RASGRF2: variants seen among roughly 807,000 people sequenced by gnomAD.
RASGRF2 encodes the protein ras-specific guanine nucleotide-releasing factor 2.
Under a neutral mutation model 151.0 loss-of-function variants are expected in RASGRF2, and 76 were observed. The ratio of observed to expected loss-of-function variants is 0.50; its 90% CI spans 0.42 to 0.61. The LOEUF is 0.61. RASGRF2 is among the 20% of genes least tolerant of loss of function. The probability of loss-of-function intolerance (pLI) is 0.00; values close to 1 mark genes in which losing one functional copy is unlikely to be tolerated. For synonymous variants in RASGRF2, 504 were observed against 566.5 expected, an observed-to-expected ratio of 0.89 and a Z score of 1.57; for missense variants, 1,148 against 1,564.6, an observed-to-expected ratio of 0.73 and a Z score of 4.49.
At chr5:81,214,244 AG>A (rs1467275280) in intron 23 of RASGRF2, among the ~76,000 whole-genome samples, 1 of 152,246 alleles carries the variant, frequency 6.6e-6, no homozygotes, top group African/African-American at 2.4e-5. Flanking sequence ...CCATCTGTAG[AG>A]GCTCTAAATA....
At chr5:81,011,033 G>A (rs1036133994) in intron 1 of RASGRF2, among the ~76,000 whole-genome samples, 13 of 138,604 alleles carry the variant, frequency 9.4e-5, no homozygotes, top group South Asian at 2.4e-4. Flanking sequence ...ACTGCACATA[G>A]GACTGTTGAC....
chr5:81,180,049 G>T (rs1018198257), intron 17 of RASGRF2, 126 bp from the exon 18 acceptor site: 4 of 621,798 alleles, frequency 6.4e-6, no homozygotes, highest in African/African-American at 3.6e-5. Flanking sequence ...GAAGCCACGC[G>T]CACCTCTCTG....
At chr5:81,021,794 G>A (rs1290846449) in intron 1 of RASGRF2, among the ~76,000 whole-genome samples, 2 of 152,170 alleles carry the variant, frequency 1.3e-5, no homozygotes, top group South Asian at 2.1e-4. Flanking sequence ...AATAATCATA[G>A]GGTGGCCAAT....
rs746393801 is a variant in RASGRF2, at chr5:81,206,926, A to G, written c.2967+21A>G. Reference sequence around the variant, plus strand: ...AAATGGTAAGTCTGACCACATTTTTATCTAGCACAACTATGTGCAAACTAC... The same window carrying G: ...AAATGGTAAGTCTGACCACATTTTTGTCTAGCACAACTATGTGCAAACTAC... On this transcript the variant is annotated intron_variant, in intron 20 of 26. Transcript: ENST00000265080. 3.2e-6 allele frequency: 5 copies of G among 1,558,622 alleles called. No homozygotes were observed. The South Asian group carries it at 3.3e-5, about 10-fold the overall frequency.
chr5:81,201,226 T>G, intron 18 of RASGRF2, 104 bp from the exon 19 acceptor site: 1 of 1,469,818 alleles, frequency 6.8e-7, no homozygotes, highest in Non-Finnish European at 9.0e-7. Context: ...CATTTTAATT[T>G]CCATACCTAG....
intron 17 of RASGRF2, among the ~76,000 whole-genome samples, chr5:81,158,134 A>T (rs1226340231): frequency 6.6e-6 from 1 of 152,228 alleles, no homozygotes; most frequent in Non-Finnish European, 1.5e-5. Context: ...TTACTATAAG[A>T]CTACAGTTAG....
At position 81,181,694 on chromosome 5, in the gene RASGRF2, G is replaced by A. The variant is rs111576378; in HGVS notation, c.2793+1413G>A. Among the ~76,000 whole-genome samples, 888 of 152,190 alleles carry A rather than the reference G, an allele frequency of 5.8e-3. 8 individuals carry two copies. The highest frequency in any genetic ancestry group is 0.01 in the Non-Finnish European group (689 of 68,014). Reference sequence around the variant, plus strand: ...ACAGTTAATTCCTGGGGCCCACAGTGGCTTCTAAGATGCAAAGTAGCTTTG... The same window carrying A: ...ACAGTTAATTCCTGGGGCCCACAGTAGCTTCTAAGATGCAAAGTAGCTTTG... On this transcript the variant is annotated intron_variant, in intron 18 of 26. Coordinates refer to ENST00000265080, the MANE Select transcript of RASGRF2 (RefSeq NM_006909.3).
intron 16 of RASGRF2, among the ~76,000 whole-genome samples, chr5:81,125,887 C>A (rs1753440499): frequency 6.6e-6 from 1 of 152,224 alleles, no homozygotes; most frequent in Non-Finnish European, 1.5e-5. Flanking sequence ...AGGAACTGAA[C>A]AAGGACAGCA....
rs1753020607 is a variant in RASGRF2, at chr5:81,112,379, C to CT, written c.1839-230dup. On this transcript the variant is annotated intron_variant, in intron 13 of 26. Transcript: ENST00000265080. Reference sequence around the variant, plus strand: ...GATGTGCATAGGTTATGTGGAAATACTATACCATTTCATATCAGGGACTTG... The same window carrying CT: ...GATGTGCATAGGTTATGTGGAAATACTTATACCATTTCATATCAGGGACTTG... 3.3e-5 allele frequency among the ~76,000 whole-genome samples: 5 copies of CT among 152,224 alleles called. No individual in the cohort carries two copies. In the South Asian group the frequency reaches 1.0e-3, roughly 32 times the overall value.
chr5:81,091,190 C>A (rs935035749), intron 9 of RASGRF2, among the ~76,000 whole-genome samples: 1 of 152,202 alleles, frequency 6.6e-6, no homozygotes, highest in African/African-American at 2.4e-5. Flanking sequence ...CTCTGCAAGG[C>A]CTCTGGCTTT....
chr5:81,195,655 G>A (rs977272557), intron 18 of RASGRF2, among the ~76,000 whole-genome samples: 1 of 151,334 alleles, frequency 6.6e-6, no homozygotes, highest in African/African-American at 2.4e-5. Context: ...AGCAGCATCA[G>A]CATCACCCGG....
At chr5:81,213,215 G>C (rs1055417903) in intron 23 of RASGRF2, among the ~76,000 whole-genome samples, 64 of 152,262 alleles carry the variant, frequency 4.2e-4, no homozygotes, top group African/African-American at 1.5e-3. Flanking sequence ...GTCATTCTTT[G>C]CTGATGATTC....
At chr5:81,191,860 G>T (rs1755158920) in intron 18 of RASGRF2, among the ~76,000 whole-genome samples, 1 of 152,034 alleles carries the variant, frequency 6.6e-6, no homozygotes, top group South Asian at 2.1e-4. Context: ...AGAGTCATTT[G>T]TCAGCAAATG....
intron 18 of RASGRF2, among the ~76,000 whole-genome samples, chr5:81,199,952 T>A (rs1755350904): frequency 6.7e-6 from 1 of 148,192 alleles, no homozygotes; most frequent in Non-Finnish European, 1.5e-5. Context: ...TTTCTTTGCA[T>A]CTACTATTTG....
chr5:81,076,424 C>T (rs1289329616), intron 5 of RASGRF2, among the ~76,000 whole-genome samples: 1 of 152,230 alleles, frequency 6.6e-6, no homozygotes, highest in African/African-American at 2.4e-5. Flanking sequence ...ATGGACACTT[C>T]TGTAGTTAGG....
intron 18 of RASGRF2, among the ~76,000 whole-genome samples, chr5:81,199,468 T>C (rs1755338738): frequency 6.6e-6 from 1 of 152,222 alleles, no homozygotes; most frequent in African/African-American, 2.4e-5. Flanking sequence ...ATTCTCCCTT[T>C]GTAATTAATA....
chr5:80,999,861 G>T (rs919368963), intron 1 of RASGRF2, among the ~76,000 whole-genome samples: 13 of 152,156 alleles, frequency 8.5e-5, no homozygotes, highest in Non-Finnish European at 1.8e-4. Flanking sequence ...GAGAGGAGTT[G>T]GTTTCATAAC....
chr5:81,149,375 G>A (rs918063221), intron 17 of RASGRF2, among the ~76,000 whole-genome samples: 2 of 152,114 alleles, frequency 1.3e-5, no homozygotes, highest in African/African-American at 4.8e-5. Flanking sequence ...GGTAACTCAG[G>A]AATGGAGAAC....
chr5:81,021,206 T>C (rs1282367550), intron 1 of RASGRF2, among the ~76,000 whole-genome samples: 1 of 152,202 alleles, frequency 6.6e-6, no homozygotes, highest in Non-Finnish European at 1.5e-5. Context: ...CAGCAAAAGT[T>C]TGTAAGCAGA....
Sources: allele counts gnomAD v4.1 joint callset (sites outside exome capture counted in the v4.1 genomes callset), GRCh38; gene constraint gnomAD v4.1.1; transcripts MANE v1.5; gene names NCBI Gene and HGNC (gene_info 2026-07-23, HGNC 2026-07-21).